Variants in TTN observed in about 807,000 individuals in gnomAD.
The protein encoded by TTN is titin.
Under a neutral mutation model 3,223.0 loss-of-function variants are expected in TTN, and 1,525 were observed. That is an observed-to-expected ratio of 0.47 (90% confidence interval 0.45 to 0.49). The LOEUF (loss-of-function observed/expected upper bound fraction) is 0.49, where lower values mean the gene tolerates loss of function less well. Among genes scored for constraint, TTN ranks in the 20% least tolerant of loss-of-function variants. The pLI, the probability that TTN is intolerant of heterozygous loss-of-function variation, is 0.00. For missense variants in TTN, 40,786 were observed against 43,424.0 expected (o/e 0.94, Z 5.40); for synonymous variants, 14,094 against 15,161.0 (o/e 0.93, Z 5.17).
At position 178,735,700 on chromosome 2, in the gene TTN, T is replaced by C. The variant is rs376597173; in HGVS notation, c.14746A>G (p.Lys4916Glu). 192 of 1,613,720 alleles carry C rather than the reference T, an allele frequency of 1.2e-4. No individual in the cohort carries two copies. The highest frequency in any genetic ancestry group is 1.5e-4 in the Non-Finnish European group (174 of 1,179,832). The change falls in exon 50 of 363, where the codon AAA becomes GAA. Residue 4916 changes from lysine to glutamate, a missense_variant. Lys to Glu is a moderately conservative substitution (Grantham distance 56). Coordinates refer to ENST00000589042, the MANE Select transcript of TTN (RefSeq NM_001267550.2). The stretch of plus-strand genomic sequence containing the variant: ...TCTTTGCTCCACGTAACTGTGACTT[T>C]TCTGTCTTCATCTACTTGGCACTCA... ...HLECQVDEDR[K>E]VTVTWSKDGQ...
rs1449279284 is a variant in TTN at position 178,734,911 on chromosome 2, G to C, written c.15013C>G (p.Leu5005Val). The C allele has an allele frequency of 1.2e-6, 2 of 1,612,792 alleles. No individual in the cohort carries two copies. The highest frequency in any genetic ancestry group is 1.7e-6 in the Non-Finnish European group (2 of 1,179,304). ...ACCTGGATCACAGGTGAGCCTTTCA[G>C]CTTGCAATGGAGGCGTGCTGATTCA... ...PGESARLHCK[L>V]KGSPVIQVTW... Residue 5005 changes from leucine (L) to valine (V), a missense_variant, in exon 51 of 363, where the codon CTG becomes GTG. Transcript: ENST00000589042.
At position 178,614,193 on chromosome 2, in the gene TTN, A is replaced by G. The variant is rs1413819642; in HGVS notation, c.49204T>C (p.Ser16402Pro). Residue 16402 changes from serine (S) to proline (P), a missense_variant, in exon 262 of 363, where the codon TCA (serine) becomes CCA (proline). Coordinates refer to ENST00000589042, the MANE Select transcript of TTN (RefSeq NM_001267550.2). ...AAGTTTGTATCCTTGACGGTGGATG[A>G]GAGCTTGTGCCACACTTCACTATCA... is the stretch of plus-strand genomic sequence containing the variant. ...ATDSEVWHKL[S>P]STVKDTNFKA... 1 of 1,612,374 alleles carries G rather than the reference A, an allele frequency of 6.2e-7. No homozygotes were observed. The highest frequency in any genetic ancestry group is 8.5e-7 in the Non-Finnish European group (1 of 1,179,202).
Position 178,624,580 on chromosome 2 carries a change from A to G in TTN, c.44700T>C (p.Ile14900=), listed in dbSNP as rs918836960. The change falls in exon 242 of 363, where the codon ATT becomes ATC. Residue 14900 remains isoleucine (I), a synonymous_variant. Transcript: ENST00000589042. ...TEILKSKKYE[I]VADGRVRKLV... Reference sequence around the variant, plus strand: ...GTTTTCTGACCCTGCCATCAGCAACAATTTCATACTTCTTGCTTTTGAGGA... The same window carrying G: ...GTTTTCTGACCCTGCCATCAGCAACGATTTCATACTTCTTGCTTTTGAGGA... The G allele has an allele frequency of 2.5e-6, 4 of 1,612,628 alleles. No individual in the cohort carries two copies. Among genetic ancestry groups the G allele is most frequent in the African/African-American group, 1.3e-5 (1 of 74,838 alleles).
intron 44 of TTN, chr2:178,758,657 A>G (rs2088047143): frequency 6.0e-6 from 2 of 331,804 alleles, no homozygotes; most frequent in African/African-American, 4.2e-5. Flanking sequence ...GCCAATTGAG[A>G]AAACAAATCT....
Position 178,578,139 on chromosome 2 carries a change from T to G in TTN, c.68376A>C (p.Arg22792Ser). 6.2e-7 allele frequency: 1 copy of G among 1,613,094 alleles called. No individual in the cohort carries two copies. Among genetic ancestry groups the G allele is most frequent in the Non-Finnish European group, 8.5e-7 (1 of 1,179,404 alleles). Residue 22792 changes from arginine (R) to serine (S), a missense_variant, in exon 322 of 363, where the codon AGA (arginine) becomes AGC (serine). Coordinates refer to ENST00000589042, the MANE Select transcript of TTN (RefSeq NM_001267550.2). Reference sequence around the variant, plus strand: ...TCATCCTTATCGGAGTCTTGTTAGCTCTCTTCCACAAAAGGCTGTTTCTTT... The same window carrying G: ...TCATCCTTATCGGAGTCTTGTTAGCGCTCTTCCACAAAAGGCTGTTTCTTT... ...FKERNSLLWKRANKTPIRMRD... is the reference protein window; with the variant it reads ...FKERNSLLWKSANKTPIRMRD...
intron 233 of TTN, 60 bp from the exon 234 acceptor site, chr2:178,633,104 A>C: frequency 6.2e-7 from 1 of 1,600,158 alleles, no homozygotes; most frequent in South Asian, 1.1e-5. Flanking sequence ...TATTCCTACA[A>C]ATCATCAAGA....
In TTN at chr2:178,723,674, T is replaced by C; in HGVS notation, c.21426A>G (p.Glu7142=). 1 of 1,592,308 alleles carries C rather than the reference T, an allele frequency of 6.3e-7. No individual in the cohort carries two copies. Among genetic ancestry groups the C allele is most frequent in the Non-Finnish European group, 8.5e-7 (1 of 1,170,816 alleles). Residue 7142 remains glutamate (E), a synonymous_variant, in exon 74 of 363, where the codon GAA becomes GAG. Transcript: ENST00000589042. ...TVQEPPSFVK[E]PEPLEVLPGK... ...CTGGTAGTACTTCCAAAGGTTCAGG[T>C]TCTTTCACAAAAGAGGGTGGTTCTA...
At position 178,634,620 on chromosome 2, in the gene TTN, A is replaced by C; in HGVS notation, c.42161T>G (p.Leu14054Arg). The change falls in exon 230 of 363, where the codon CTT becomes CGT. Residue 14054 changes from leucine (L) to arginine (R), a missense_variant. Leu to Arg is a moderately radical substitution (Grantham distance 102). Transcript: ENST00000589042. This position sits in a 1 kb window ranked among gnomAD's most constrained non-coding sequence, Gnocchi z 4.6. The part of the protein sequence containing the change: ...TAILTVKEIE[L>R]DFAVPLKDVT... ...ATCCTTCAGGGGCACAGCAAAGTCA[A>C]GTTCGATTTCTGAAAATCAGACATT... 6.2e-7 allele frequency: 1 copy of C among 1,613,022 alleles called. No individual in the cohort carries two copies. The highest frequency in any genetic ancestry group is 8.5e-7 in the Non-Finnish European group (1 of 1,179,444).
chr2:178,749,881 C>A (rs2084904408), intron 47 of TTN: 2 of 1,612,962 alleles, frequency 1.2e-6, no homozygotes, highest in Non-Finnish European at 1.7e-6. Flanking sequence ...TGATGGAATC[C>A]CCTTCTCTAC....
chr2:178,745,662 C>T, intron 47 of TTN: 7 of 1,612,344 alleles, frequency 4.3e-6, no homozygotes, highest in Non-Finnish European at 5.9e-6. Flanking sequence ...TCTCCTTCAT[C>T]ACTCTTTACT....
Position 178,570,623 on chromosome 2 carries a change from CTG to C in TTN, c.75507_75508del (p.Ser25170CysfsTer33). 6.2e-7 allele frequency: 1 copy of C among 1,613,482 alleles called. No homozygotes were observed. The highest frequency in any genetic ancestry group is 8.5e-7 in the Non-Finnish European group (1 of 1,179,616). ...GTCGACACGTACTGCATCTTTTACA[CTG>C]AGACTGGTGGCAAAGTCGGTGCTCT... On this transcript the variant is annotated frameshift_variant, in exon 326 of 363. Coordinates refer to ENST00000589042, the MANE Select transcript of TTN (RefSeq NM_001267550.2). LOFTEE classifies it high-confidence loss of function.
chr2:178,776,866 T>G lies in TTN; in HGVS notation c.4998A>C (p.Thr1666=). ...PERKLIIPRG[T]YRAKEIAAPE... is the part of the protein sequence containing the mutation. The stretch of plus-strand genomic sequence containing the variant: ...GGGCTGCAATCTCCTTTGCTCTATA[T>G]GTCCCCCGTGGGATGATTAACTTTC... The change falls in exon 28 of 363, where the codon ACA becomes ACC. Residue 1666 remains threonine, a synonymous_variant. Transcript: ENST00000589042. 6.2e-7 allele frequency: 1 copy of G among 1,613,676 alleles called. No homozygotes were observed. Among genetic ancestry groups the G allele is most frequent in the Non-Finnish European group, 8.5e-7 (1 of 1,179,920 alleles).
In TTN at chr2:178,718,046, G is replaced by A. The variant is rs1057522331; in HGVS notation, c.24960C>T (p.Ser8320=). 6.2e-7 allele frequency: 1 copy of A among 1,613,752 alleles called. No individual in the cohort carries two copies. The highest frequency in any genetic ancestry group is 8.5e-7 in the Non-Finnish European group (1 of 1,179,722). Residue 8320 remains serine (S), a synonymous_variant, in exon 86 of 363, where the codon TCC becomes TCT. Transcript: ENST00000589042. ...YKMQFKNNVA[S]LVINKVDHSD... ...TGTGATCCACTTTGTTGATTACTAA[G>A]GAAGCAACGTTATTTTTGAATTGCA...
chr2:178,536,133 T>G lies in TTN; in HGVS notation c.100614A>C (p.Ala33538=). The G allele has an allele frequency of 6.2e-7, 1 of 1,613,742 alleles. No homozygotes were observed. Among genetic ancestry groups the G allele is most frequent in the Non-Finnish European group, 8.5e-7 (1 of 1,179,734 alleles). The change falls in exon 357 of 363, where the codon GCA becomes GCC. Residue 33538 remains alanine (A), a synonymous_variant. Transcript: ENST00000589042. ...KWYRQGKEII[A]DGLKYRIQEF... ...CTTGAATCCTATATTTTAATCCATC[T>G]GCAATGATTTCTTTGCCTTGTCTGT...
Position 178,712,355 on chromosome 2 carries a change from G to A in TTN, c.27567C>T (p.Ala9189=), listed in dbSNP as rs1266472796. 2 of 1,613,748 alleles carry A rather than the reference G, an allele frequency of 1.2e-6. No homozygotes were observed. Among genetic ancestry groups the A allele is most frequent in the Admixed American group, 1.7e-5 (1 of 60,010 alleles). Residue 9189 remains alanine, a synonymous_variant, in exon 95 of 363, where the codon GCC becomes GCT. Transcript: ENST00000589042. ...GTGCTGAACAGGAATCTTTTCCAGAGGCATTTTCAATGTAGCAGTTGTATT... is the reference window on the plus strand; with the variant it reads ...GTGCTGAACAGGAATCTTTTCCAGAAGCATTTTCAATGTAGCAGTTGTATT... ...AGQYNCYIEN[A]SGKDSCSAQI... is the part of the protein sequence containing the mutation.
At position 178,589,393 on chromosome 2, in the gene TTN, C is replaced by T; in HGVS notation, c.62332G>A (p.Val20778Ile). 1 of 1,613,382 alleles carries T rather than the reference C, an allele frequency of 6.2e-7. No homozygotes were observed. Among genetic ancestry groups the T allele is most frequent in the Non-Finnish European group, 8.5e-7 (1 of 1,179,622 alleles). The change falls in exon 304 of 363, where the codon GTC (valine) becomes ATC (isoleucine). Residue 20778 changes from valine (V) to isoleucine (I), a missense_variant. Transcript: ENST00000589042. ...KPVLDLKLSG[V>I]LTVKAGDTIR... ...GTGTCCCCTGCTTTGACAGTTAGGA[C>T]CCCACTTAATTTCAGATCAAGTACT...
intron 15 of TTN, 75 bp from the exon 16 acceptor site, chr2:178,784,426 A>G: frequency 5.1e-6 from 8 of 1,570,572 alleles, no homozygotes; most frequent in Non-Finnish European, 6.9e-6. Flanking sequence ...ACTGAGTCTG[A>G]GCCTATTTTC....
rs1690986189 is a variant in TTN, at chr2:178,535,421, T to C, written c.101194A>G (p.Thr33732Ala). 1.2e-6 allele frequency: 2 copies of C among 1,613,908 alleles called. No homozygotes were observed. The highest frequency in any genetic ancestry group is 1.7e-6 in the Non-Finnish European group (2 of 1,179,812). Residue 33732 changes from threonine to alanine, a missense_variant, in exon 358 of 363, where the codon ACT (threonine) becomes GCT (alanine). Transcript: ENST00000589042. ...TNYIVEKCATTAERWLRVGQA... is the reference protein window; with the variant it reads ...TNYIVEKCATAAERWLRVGQA... ...CCTACACGGAGCCATCTTTCTGCAGTAGTTGCACATTTTTCAACAATGTAG... is the reference window on the plus strand; with the variant it reads ...CCTACACGGAGCCATCTTTCTGCAGCAGTTGCACATTTTTCAACAATGTAG...
At chr2:178,667,757 T>C in intron 159 of TTN, 36 bp from the exon 160 acceptor site, 1 of 1,401,072 alleles carries the variant, frequency 7.1e-7, no homozygotes, top group Non-Finnish European at 9.8e-7. Context: ...ATTAGGATGT[T>C]TCAAGGTGGA....
Sources: gnomAD v4.1 joint callset for allele counts on GRCh38, gnomAD v4.1.1 for gene constraint, Gnocchi (gnomAD v3.1) non-coding constraint, MANE v1.5 for transcripts, NCBI Gene and HGNC (gene_info 2026-07-23, HGNC 2026-07-21) for gene names.